The following SLC37A1 variants were observed in gnomAD, a reference collection of about 807,000 sequenced individuals.
SLC37A1 encodes the protein glucose-6-phosphate exchanger SLC37A1.
Under a neutral mutation model 75.3 loss-of-function variants are expected in SLC37A1, and 49 were observed. The observed-to-expected ratio is 0.65, with a 90% CI of 0.52 to 0.83. The LOEUF (loss-of-function observed/expected upper bound fraction) is 0.83, where lower values mean the gene tolerates loss of function less well. Among genes scored for constraint, SLC37A1 ranks in the 40% least tolerant of loss-of-function variants. SLC37A1 has a pLI of 0.00. For missense variants in SLC37A1, 566 were observed against 695.0 expected (o/e 0.81, Z 2.09); for synonymous variants, 268 against 292.1 (o/e 0.92, Z 0.84).
chr21:42,550,765 C>T (rs9976600), intron 9 of SLC37A1, among the ~76,000 whole-genome samples: 90,473 of 152,162 alleles, frequency 0.59, 29,023 homozygotes, highest in African/African-American at 0.82. Context: ...GAATACACAG[C>T]TGGCTTAACA....
chr21:42,575,459 C>G, intron 18 of SLC37A1: 1 of 985,432 alleles, frequency 1.0e-6, no homozygotes, highest in Non-Finnish European at 1.2e-6. Flanking sequence ...GACACTGAGT[C>G]GCCTTCTGGC....
At chr21:42,553,530 T>C (rs1356464763) in intron 9 of SLC37A1, among the ~76,000 whole-genome samples, 1 of 152,246 alleles carries the variant, frequency 6.6e-6, no homozygotes, top group East Asian at 1.9e-4. Context: ...CACTTTTCAC[T>C]TGGTAACAGG....
intron 2 of SLC37A1, among the ~76,000 whole-genome samples, chr21:42,525,108 G>A (rs974154273): frequency 4.6e-5 from 7 of 152,338 alleles, no homozygotes; most frequent in African/African-American, 1.7e-4. Context: ...TTCCCGGAGG[G>A]TGGAGCCCTG....
At chr21:42,515,986 T>C (rs866600221) in intron 1 of SLC37A1, among the ~76,000 whole-genome samples, 3 of 152,206 alleles carry the variant, frequency 2.0e-5, no homozygotes, top group African/African-American at 7.2e-5. Context: ...CTCGAACTCC[T>C]GGCCTCAAGT....
rs2055388768 is a variant in SLC37A1, at chr21:42,545,650, G to A, written c.731-1453G>A. 6.6e-6 allele frequency among the ~76,000 whole-genome samples: 1 copy of A among 152,206 alleles called. No homozygotes were observed. Among genetic ancestry groups the A allele is most frequent in the Non-Finnish European group, 1.5e-5 (1 of 68,034 alleles). The stretch of plus-strand genomic sequence containing the variant: ...GACGTGTGTGCCCAAGTCCCTGAAG[G>A]TGAAAGTCCAGGAAGAGCCATATCA... On this transcript the variant is annotated intron_variant, in intron 8 of 19. Transcript: ENST00000352133. This position sits in a 1 kb window ranked among gnomAD's most constrained non-coding sequence, Gnocchi z 4.0.
chr21:42,562,050 G>A (rs2055843578), intron 11 of SLC37A1, 28 bp from the exon 12 acceptor site: 1 of 1,591,018 alleles, frequency 6.3e-7, no homozygotes. Context: ...CACATTTGGA[G>A]GAGACGCCTG....
chr21:42,526,409 C>T (rs971422264), intron 3 of SLC37A1, among the ~76,000 whole-genome samples: 2 of 152,212 alleles, frequency 1.3e-5, no homozygotes, highest in African/African-American at 2.4e-5. Flanking sequence ...GATTACGTCA[C>T]CCGGCCTGTA....
At chr21:42,546,959 A>T (rs1307156164) in intron 8 of SLC37A1, 144 bp from the exon 9 acceptor site, 2 of 945,226 alleles carry the variant, frequency 2.1e-6, no homozygotes, top group East Asian at 2.5e-5. Context: ...GAGCAGCTCA[A>T]ATCCACTCAT....
chr21:42,560,649 C>A (rs980749266), intron 11 of SLC37A1, among the ~76,000 whole-genome samples: 2 of 152,110 alleles, frequency 1.3e-5, no homozygotes, highest in Admixed American at 1.3e-4. Flanking sequence ...AGCCAGTGTT[C>A]AGCCAGAGGA....
intron 9 of SLC37A1, 56 bp from the exon 10 acceptor site, chr21:42,554,006 T>C: frequency 6.9e-7 from 1 of 1,456,848 alleles, no homozygotes; most frequent in Non-Finnish European, 9.4e-7. Flanking sequence ...TAAAGCCAGG[T>C]TTAATTTCTA....
chr21:42,546,601 G>A (rs1221873398), intron 8 of SLC37A1, among the ~76,000 whole-genome samples: 1 of 152,166 alleles, frequency 6.6e-6, no homozygotes, highest in Non-Finnish European at 1.5e-5. Context: ...TCACAGTGTT[G>A]GCACTGGCTG....
intron 3 of SLC37A1, among the ~76,000 whole-genome samples, chr21:42,530,698 C>T (rs2054945722): frequency 6.7e-6 from 1 of 150,222 alleles, no homozygotes; most frequent in Non-Finnish European, 1.5e-5. Context: ...TGGCCTAACC[C>T]CACTGTCCTC....
chr21:42,556,599 G>A (rs183586884), intron 10 of SLC37A1, among the ~76,000 whole-genome samples: 54 of 152,308 alleles, frequency 3.5e-4, no homozygotes, highest in African/African-American at 1.0e-3. Flanking sequence ...AGCCCTAAGC[G>A]TGGAGTGCAC....
In SLC37A1 at chr21:42,564,617, A is replaced by G. The variant is rs1053162839; in HGVS notation, c.1136-91A>G. 2.0e-5 allele frequency: 20 copies of G among 982,300 alleles called. No individual in the cohort carries two copies. The Admixed American group carries it at 2.3e-4, about 11-fold the overall frequency. The allele number at this position is 982,300 out of a possible 1,614,324, so 60.8% of individuals were successfully genotyped here. On this transcript the variant is annotated intron_variant, in intron 13 of 19. Coordinates refer to ENST00000352133, the MANE Select transcript of SLC37A1 (RefSeq NM_001320537.2). ...GGAGAGAGGGGCTTGGGAAAGGAGG[A>G]GGCCGTTCTCCGAGCTCCTGCAGTT...
intron 1 of SLC37A1, among the ~76,000 whole-genome samples, chr21:42,500,698 G>A (rs2054333995): frequency 6.6e-6 from 1 of 152,166 alleles, no homozygotes; most frequent in Admixed American, 6.5e-5. Flanking sequence ...ACAATCAGAA[G>A]TTAGTCTGTG....
intron 5 of SLC37A1, 127 bp from the exon 6 acceptor site, chr21:42,539,385 T>G (rs1276587284): frequency 8.7e-7 from 1 of 1,150,504 alleles, no homozygotes; most frequent in Admixed American, 2.6e-5. Context: ...TCCTGGAAAT[T>G]GTAAGGCTTG....
chr21:42,568,498 A>G (rs2056039354), intron 17 of SLC37A1, 60 bp downstream of exon 17: 8 of 1,516,092 alleles, frequency 5.3e-6, no homozygotes, highest in Non-Finnish European at 6.4e-6. Context: ...ACATTGTCAC[A>G]TGCTCGTGAA....
chr21:42,574,352 T>C (rs1190053444), intron 17 of SLC37A1, among the ~76,000 whole-genome samples: 2 of 152,196 alleles, frequency 1.3e-5, no homozygotes, highest in Non-Finnish European at 2.9e-5. Context: ...AGAATGAACA[T>C]TGCAATGTCA....
chr21:42,517,729 C>T (rs1441268109), intron 1 of SLC37A1, among the ~76,000 whole-genome samples: 1 of 152,162 alleles, frequency 6.6e-6, no homozygotes, highest in African/African-American at 2.4e-5. Flanking sequence ...TCTGAGGTGA[C>T]CACAGGAGAT....
Sources: allele counts gnomAD v4.1 joint callset (sites outside exome capture counted in the v4.1 genomes callset), GRCh38; gene constraint gnomAD v4.1.1; non-coding constraint Gnocchi (gnomAD v3.1); transcripts MANE v1.5; gene names NCBI Gene and HGNC (gene_info 2026-07-23, HGNC 2026-07-21).